The following CD59 variants were observed in gnomAD, a reference collection of about 807,000 sequenced individuals.
CD59 encodes the protein CD59 glycoprotein.
Under a neutral mutation model 7.0 loss-of-function variants are expected in CD59, and 3 were observed. The observed-to-expected ratio is 0.43, with a 90% CI of 0.19 to 1.10. CD59 has a LOEUF of 1.10. Ranked by LOEUF, CD59 falls within the 50% of genes least tolerant of loss-of-function variation. The pLI, the probability that CD59 is intolerant of heterozygous loss-of-function variation, is 0.29. For synonymous variants in CD59, 60 were observed against 62.0 expected (o/e 0.97, Z 0.15); for missense variants, 143 against 151.0 (o/e 0.95, Z 0.28).
chr11:33,735,232 G>A (rs1166436956), intron 1 of CD59, among the ~76,000 whole-genome samples: 1 of 152,176 alleles, frequency 6.6e-6, no homozygotes, highest in Non-Finnish European at 1.5e-5. Flanking sequence ...GGATCGCAGG[G>A]TACCTGAAAT....
chr11:33,712,547 G>C (rs770643707), intron 3 of CD59, among the ~76,000 whole-genome samples: 1 of 152,220 alleles, frequency 6.6e-6, no homozygotes, highest in Non-Finnish European at 1.5e-5. Context: ...CCACAATACT[G>C]TATGATTCCT....
chr11:33,731,972 T>C (rs1369257492), intron 1 of CD59, among the ~76,000 whole-genome samples: 1 of 150,938 alleles, frequency 6.6e-6, no homozygotes, highest in East Asian at 1.9e-4. Context: ...GTTTCCCCCA[T>C]ACTGTTCTTG....
Position 33,710,127 on chromosome 11 carries a change from T to C in CD59, c.386A>G (p.Ter129=), listed in dbSNP as rs1474572851. 6.2e-7 allele frequency: 1 copy of C among 1,611,114 alleles called. No homozygotes were observed. The highest frequency in any genetic ancestry group is 1.7e-5 in the Admixed American group (1 of 59,682). The change falls in exon 4 of 4, where the codon TAA becomes TGA. Residue 129 remains the stop codon, a stop_retained_variant. Transcript: ENST00000642928. ...GGGAGAAGCTCTCCTGGTGTTGACT[T>C]AGGGATGAAGGCTCCAGGCTGCTGC... ...FLAAAWSLHP[*]
At chr11:33,722,686 G>A in intron 1 of CD59, 6 of 1,346,852 alleles carry the variant, frequency 4.5e-6, no homozygotes, top group East Asian at 6.5e-5. Context: ...ACCACACTGT[G>A]GGAATAACAC....
chr11:33,714,870 T>C (rs1853716935), intron 3 of CD59, among the ~76,000 whole-genome samples: 3 of 152,032 alleles, frequency 2.0e-5, no homozygotes, highest in Admixed American at 2.0e-4. Context: ...CTCATGGGGC[T>C]GTCCTGTCCT....
At chr11:33,713,041 C>T (rs1004969529) in intron 3 of CD59, among the ~76,000 whole-genome samples, 5 of 151,968 alleles carry the variant, frequency 3.3e-5, no homozygotes, top group African/African-American at 1.2e-4. Flanking sequence ...TTCAGTAATA[C>T]TGGAAAAGTT....
At chr11:33,711,237 T>G in intron 3 of CD59, 1 of 571,902 alleles carries the variant, frequency 1.7e-6, no homozygotes, top group Non-Finnish European at 3.1e-6. Context: ...GAGGCTGAGA[T>G]GGGAGAATTG....
Position 33,710,319 on chromosome 11 carries a change from C to T in CD59, c.194G>A (p.Trp65Ter). The change falls in exon 4 of 4, where the codon TGG becomes TAG. Residue 65 changes from tryptophan to a stop codon, truncating the protein, a stop_gained. Coordinates refer to ENST00000642928, the MANE Select transcript of CD59 (RefSeq NM_000611.6). LOFTEE classifies it low-confidence loss of function (END_TRUNC). Reference protein sequence around the residue: ...KAGLQVYNKCWKFEHCNFNDV... With the variant: ...KAGLQVYNKC ...GTTGAAATTGCAATGCTCAAACTTC[C>T]AACACTTGTTATACACTTGTAACCC... 1 of 1,614,072 alleles carries T rather than the reference C, an allele frequency of 6.2e-7. No individual in the cohort carries two copies. The highest frequency in any genetic ancestry group is 1.3e-5 in the African/African-American group (1 of 75,012).
At chr11:33,723,826 G>A (rs1854169303) in intron 1 of CD59, among the ~76,000 whole-genome samples, 1 of 152,174 alleles carries the variant, frequency 6.6e-6, no homozygotes, top group Non-Finnish European at 1.5e-5. Flanking sequence ...AGTGAGCAGG[G>A]AGAGGAAGGT....
Position 33,710,265 on chromosome 11 carries a change from T to C in CD59, c.248A>G (p.Glu83Gly), listed in dbSNP as rs748115236. The change falls in exon 4 of 4, where the codon GAG becomes GGG. Residue 83 changes from glutamate (E) to glycine (G), a missense_variant. Glu to Gly is a moderately conservative substitution (Grantham distance 98, BLOSUM62 -2). Coordinates refer to ENST00000642928, the MANE Select transcript of CD59 (RefSeq NM_000611.6). The part of the protein sequence containing the change: ...NDVTTRLREN[E>G]LTYYCCKKDL... The stretch of plus-strand genomic sequence containing the variant: ...CTTCTTGCAGCAGTAGTACGTTAGC[T>C]CATTTTCCCTCAAGCGGGTTGTGAC... The C allele has an allele frequency of 1.2e-6, 2 of 1,614,050 alleles. No individual in the cohort carries two copies. Among genetic ancestry groups the C allele is most frequent in the African/African-American group, 2.7e-5 (2 of 74,914 alleles).
intron 1 of CD59, among the ~76,000 whole-genome samples, chr11:33,732,368 G>A (rs1024247836): frequency 6.6e-6 from 1 of 151,984 alleles, no homozygotes; most frequent in African/African-American, 2.4e-5. Flanking sequence ...GTTTGAAAGT[G>A]TGTAGCACTT....
At chr11:33,725,990 A>G (rs997848712) in intron 1 of CD59, among the ~76,000 whole-genome samples, 3 of 152,228 alleles carry the variant, frequency 2.0e-5, no homozygotes, top group African/African-American at 7.2e-5. Flanking sequence ...ACTATCCTAA[A>G]TATATATGCA....
rs755154716 is a variant in CD59, at chr11:33,717,441, T to G, written c.98A>C (p.Asn33Thr). Residue 33 changes from asparagine to threonine, a missense_variant, in exon 3 of 4, where the codon AAC becomes ACC. Physicochemically the swap from Asn to Thr is moderately conservative, Grantham distance 65. Coordinates refer to ENST00000642928, the MANE Select transcript of CD59 (RefSeq NM_000611.6). Reference protein sequence around the residue: ...GHSLQCYNCPNPTADCKTAVN... With the variant: ...GHSLQCYNCPTPTADCKTAVN... ...GGCTGTTTTGCAGTCAGCAGTTGGG[T>G]TAGGACAGTTGTAGCACTGCAGGCT... is the stretch of plus-strand genomic sequence containing the variant. 51 of 1,612,808 alleles carry G rather than the reference T, an allele frequency of 3.2e-5. No individual in the cohort carries two copies. The highest frequency in any genetic ancestry group is 3.8e-5 in the Non-Finnish European group (45 of 1,179,006).
In CD59 at chr11:33,706,131, G is replaced by C. The variant is rs1189430723; in HGVS notation, c.*3995C>G. On this transcript the variant is annotated 3_prime_UTR_variant, in exon 4 of 4. Coordinates refer to ENST00000642928, the MANE Select transcript of CD59 (RefSeq NM_000611.6). Reference sequence around the variant, plus strand: ...ATGCTACCCCCCTCCTCTCCCAGAGGCTCTGGACCTACACAGCTGCTGAAA... The same window carrying C: ...ATGCTACCCCCCTCCTCTCCCAGAGCCTCTGGACCTACACAGCTGCTGAAA... The C allele has an allele frequency of 6.6e-6, 1 of 151,756 alleles. No individual in the cohort carries two copies. Among genetic ancestry groups the C allele is most frequent in the Non-Finnish European group, 1.5e-5 (1 of 67,968 alleles). 9.4% of individuals were successfully genotyped at this position (151,756 alleles called of 1,614,324 possible). A position where few individuals can be genotyped will look rare whatever the true frequency, so the allele number is the denominator to read the frequency against.
intron 1 of CD59, 143 bp from the exon 2 acceptor site, chr11:33,722,606 G>A: frequency 6.6e-7 from 1 of 1,515,356 alleles, no homozygotes; most frequent in South Asian, 1.2e-5. Context: ...CCTGGGCCAT[G>A]CCCCAGCTCT....
chr11:33,722,719 G>A (rs1271012998), intron 1 of CD59: 3 of 1,268,368 alleles, frequency 2.4e-6, no homozygotes, highest in Non-Finnish European at 3.0e-6. Flanking sequence ...CAGGGTCAGT[G>A]AGTCAAATGA....
chr11:33,710,749 C>CTCACTTTCT lies in CD59; in HGVS notation c.170-415_170-407dup, dbSNP rs780718283. On this transcript the variant is annotated intron_variant, in intron 3 of 3. Transcript: ENST00000642928. ...TTTTTTTTTTTTAGAGAGATAAGGT[C>CTCACTTTCT]TCACTTTCTTGCCCGGTCATCTGGT... Among the ~76,000 whole-genome samples, 9 of 148,232 alleles carry CTCACTTTCT rather than the reference C, an allele frequency of 6.1e-5. No homozygotes were observed. In the Middle Eastern group the frequency reaches 0.011, roughly 174 times the overall value.
intron 1 of CD59, among the ~76,000 whole-genome samples, chr11:33,734,688 T>C (rs865972636): frequency 1.3e-5 from 2 of 152,238 alleles, no homozygotes; most frequent in Non-Finnish European, 2.9e-5. Flanking sequence ...CCGTGTTAAG[T>C]ACACATGCAA....
intron 3 of CD59, among the ~76,000 whole-genome samples, chr11:33,714,380 G>A (rs1853693615): frequency 6.6e-6 from 1 of 152,160 alleles, no homozygotes; most frequent in Non-Finnish European, 1.5e-5. Context: ...GTAAAAATAT[G>A]ACACAAAAGA....
Sources: allele counts gnomAD v4.1 joint callset (sites outside exome capture counted in the v4.1 genomes callset), GRCh38; gene constraint gnomAD v4.1.1; transcripts MANE v1.5; gene names NCBI Gene and HGNC (gene_info 2026-07-23, HGNC 2026-07-21).